The following PARP15 variants were observed in gnomAD, a reference collection of about 807,000 sequenced individuals.
PARP15 encodes the protein protein mono-ADP-ribosyltransferase PARP15.
PARP15 carries 50 observed loss-of-function variants against 62.1 expected under a neutral mutation model. The observed-to-expected ratio is 0.81, with a 90% CI of 0.64 to 1.02. PARP15 has a LOEUF of 1.02. Among genes scored for constraint, PARP15 ranks in the 50% least tolerant of loss-of-function variants. The pLI is 0.00. For synonymous variants in PARP15, 309 were observed against 293.1 expected (o/e 1.05, Z -0.55); for missense variants, 820 against 826.5 (o/e 0.99, Z 0.10).
At chr3:122,604,836 G>T (rs1484277188) in intron 1 of PARP15, among the ~76,000 whole-genome samples, 1 of 150,806 alleles carries the variant, frequency 6.6e-6, no homozygotes, top group African/African-American at 2.4e-5. Context: ...ACTCCAGCCT[G>T]GGTGACAGGG....
chr3:122,599,473 CCTCT>C (rs1412951131), intron 1 of PARP15, among the ~76,000 whole-genome samples: 1 of 151,802 alleles, frequency 6.6e-6, no homozygotes, highest in Non-Finnish European at 1.5e-5. Context: ...CTCTCTCTCC[CCTCT>C]CTCTCTTTCT....
chr3:122,632,982 G>C (rs1038294082), intron 10 of PARP15, among the ~76,000 whole-genome samples: 2 of 152,152 alleles, frequency 1.3e-5, no homozygotes, highest in African/African-American at 4.8e-5. Flanking sequence ...AACTATAGGG[G>C]TTTATCACGA....
Position 122,636,262 on chromosome 3 carries a change from C to T in PARP15, c.*162C>T. 1 of 676,530 alleles carries T rather than the reference C, an allele frequency of 1.5e-6. No individual in the cohort carries two copies. The allele number at this position is 676,530 out of a possible 1,614,324, so 41.9% of individuals were successfully genotyped here. A position where few individuals can be genotyped will look rare whatever the true frequency, so the allele number is the denominator to read the frequency against. On this transcript the variant is annotated 3_prime_UTR_variant, in exon 12 of 12. Transcript: ENST00000464300. ...AGTGCTCTATTGCTGCGATTTGTAG[C>T]ATACCTTTTTTTCTCAGCAAATTGA...
chr3:122,593,129 TATCTATC>T (rs1218228813), intron 1 of PARP15, among the ~76,000 whole-genome samples: 1 of 150,584 alleles, frequency 6.6e-6, no homozygotes, highest in African/African-American at 2.4e-5. Flanking sequence ...TCTATGTATC[TATCTATC>T]ATGTATCTAT....
chr3:122,617,386 C>T (rs1384124140), intron 6 of PARP15, among the ~76,000 whole-genome samples: 2 of 152,178 alleles, frequency 1.3e-5, no homozygotes, highest in Non-Finnish European at 2.9e-5. Flanking sequence ...GCCTGTCAAA[C>T]ACCTATTTCC....
chr3:122,589,884 A>G (rs563659939), intron 1 of PARP15, among the ~76,000 whole-genome samples: 7 of 135,178 alleles, frequency 5.2e-5, no homozygotes, highest in African/African-American at 1.9e-4. Context: ...TTTGTAAGGC[A>G]TAACTTTTTT....
intron 1 of PARP15, among the ~76,000 whole-genome samples, chr3:122,589,102 A>G (rs1933670707): frequency 6.6e-6 from 1 of 152,158 alleles, no homozygotes; most frequent in African/African-American, 2.4e-5. Flanking sequence ...TCAAAAATGA[A>G]CTTTTTTTCT....
intron 2 of PARP15, among the ~76,000 whole-genome samples, chr3:122,608,465 C>G (rs1360166348): frequency 6.6e-6 from 1 of 152,130 alleles, no homozygotes; most frequent in Non-Finnish European, 1.5e-5. Flanking sequence ...ATCTGCCTGC[C>G]TTGGCCTCCC....
intron 1 of PARP15, among the ~76,000 whole-genome samples, chr3:122,601,898 T>C (rs114663326): frequency 0.012 from 1,881 of 152,322 alleles, 31 homozygotes; most frequent in African/African-American, 0.043. Flanking sequence ...CAGCAATGAA[T>C]GAGTGTTCCT....
In PARP15 at chr3:122,632,151, G is replaced by A; in HGVS notation, c.1504G>A (p.Gly502Arg). The A allele has an allele frequency of 6.2e-7, 1 of 1,613,872 alleles. No homozygotes were observed. The highest frequency in any genetic ancestry group is 8.5e-7 in the Non-Finnish European group (1 of 1,179,876). ...QLFCMVQLEPGQSEYNTIKDK... is the reference protein window; with the variant it reads ...QLFCMVQLEPRQSEYNTIKDK... Reference sequence around the variant, plus strand: ...GTTTTGCATGGTCCAGCTAGAGCCAGGACAATCAGAATATAATACCATAAA... The same window carrying A: ...GTTTTGCATGGTCCAGCTAGAGCCAAGACAATCAGAATATAATACCATAAA... The change falls in exon 10 of 12, where the codon GGA (glycine) becomes AGA (arginine). Residue 502 changes from glycine to arginine, a missense_variant. By Grantham distance (125) the Gly-to-Arg change is moderately radical (BLOSUM62 -2). Coordinates refer to ENST00000464300, the MANE Select transcript of PARP15 (RefSeq NM_001113523.3).
intron 10 of PARP15, 146 bp from the exon 11 acceptor site, chr3:122,634,870 GCTGT>G (rs756010009): frequency 3.4e-4 from 246 of 730,052 alleles, no homozygotes; most frequent in Non-Finnish European, 4.8e-4. Context: ...CTCTGAATTT[GCTGT>G]CTATTTGTAT....
At chr3:122,627,807 T>G (rs1936828140) in intron 9 of PARP15, among the ~76,000 whole-genome samples, 1 of 152,226 alleles carries the variant, frequency 6.6e-6, no homozygotes, top group Admixed American at 6.5e-5. Flanking sequence ...CTGACAAGCA[T>G]TCTCCTTGGT....
intron 5 of PARP15, among the ~76,000 whole-genome samples, chr3:122,616,078 T>C (rs1282083255): frequency 6.6e-6 from 1 of 152,128 alleles, no homozygotes; most frequent in East Asian, 1.9e-4. Flanking sequence ...TTCTAAGAAA[T>C]GGTAATAAAA....
At chr3:122,599,538 C>CTTTCT (rs1416944879) in intron 1 of PARP15, among the ~76,000 whole-genome samples, 38 of 125,014 alleles carry the variant, frequency 3.0e-4, no homozygotes, top group Admixed American at 1.8e-3. Flanking sequence ...CTTTCCTTTC[C>CTTTCT]TTTCTCTCTC....
At chr3:122,605,871 G>T in intron 1 of PARP15, 65 bp from the exon 2 acceptor site, 1 of 1,509,338 alleles carries the variant, frequency 6.6e-7, no homozygotes, top group East Asian at 2.5e-5. Flanking sequence ...CTGAGCCACC[G>T]CACCTGGCCT....
In PARP15 at chr3:122,577,726, G is replaced by A. The variant is rs774414864; in HGVS notation, c.59G>A (p.Arg20Lys). The change falls in exon 1 of 12, where the codon AGA (arginine) becomes AAA (lysine). Residue 20 changes from arginine to lysine, a missense_variant. Around this residue, in one of 3 missense-constraint regions of PARP15, gnomAD observed 731 missense variants for 727.7 expected, o/e 1.00. Coordinates refer to ENST00000464300, the MANE Select transcript of PARP15 (RefSeq NM_001113523.3). ...CTGAGTCCAGGGGCTCCGACCCCCA[G>A]AGAACTTATGCACGGAGTTGCAGGT... ...AALSPGAPTPRELMHGVAGVT... is the reference protein window; with the variant it reads ...AALSPGAPTPKELMHGVAGVT... 6.4e-7 allele frequency: 1 copy of A among 1,551,728 alleles called. No homozygotes were observed. Among genetic ancestry groups the A allele is most frequent in the Non-Finnish European group, 8.7e-7 (1 of 1,146,988 alleles).
chr3:122,583,245 T>C (rs992468640), intron 1 of PARP15, among the ~76,000 whole-genome samples: 1 of 149,516 alleles, frequency 6.7e-6, no homozygotes, highest in Admixed American at 6.7e-5. Flanking sequence ...CTCAGCCTCC[T>C]AAACGCTGGG....
chr3:122,608,200 T>C (rs1439002593), intron 2 of PARP15, among the ~76,000 whole-genome samples: 3 of 150,204 alleles, frequency 2.0e-5, no homozygotes, highest in Non-Finnish European at 4.4e-5. Flanking sequence ...CTTTCTTTTT[T>C]TCTTTCTCTT....
chr3:122,615,352 G>A, intron 4 of PARP15: 3 of 1,292,722 alleles, frequency 2.3e-6, no homozygotes, highest in Non-Finnish European at 3.0e-6. Context: ...ACCCCAGAAT[G>A]TACCTAACAG....
Sources: allele counts gnomAD v4.1 joint callset (sites outside exome capture counted in the v4.1 genomes callset), GRCh38; gene constraint gnomAD v4.1.1; regional missense constraint gnomAD v4.1.1; transcripts MANE v1.5; gene names NCBI Gene and HGNC (gene_info 2026-07-23, HGNC 2026-07-21).